The following APLF variants were observed in gnomAD, a reference collection of about 807,000 sequenced individuals.
The protein encoded by APLF is aprataxin and PNK-like factor.
In APLF, 61 loss-of-function variants were observed where a neutral mutation model predicts 55.6. The ratio of observed to expected loss-of-function variants is 1.10; its 90% CI spans 0.89 to 1.36. The LOEUF is 1.36. Ranked by LOEUF, APLF falls within the 40% of genes most tolerant of loss-of-function variation. The pLI, the probability that APLF is intolerant of heterozygous loss-of-function variation, is 0.00. For synonymous variants in APLF, 207 were observed against 214.8 expected, an observed-to-expected ratio of 0.96 and a Z score of 0.32; for missense variants, 611 against 602.5, an observed-to-expected ratio of 1.01 and a Z score of -0.15.
At position 68,579,299 on chromosome 2, in the gene APLF, CTT is replaced by C. The variant is rs1218854487; in HGVS notation, c.*1278_*1279del. On this transcript the variant is annotated 3_prime_UTR_variant, in exon 10 of 10. Coordinates refer to ENST00000303795, the MANE Select transcript of APLF (RefSeq NM_173545.3). The stretch of plus-strand genomic sequence containing the variant: ...TAACCTATTATTCTGATTTTTATCT[CTT>C]ATTGTTATTTGGGAACTATTTTTCC... 116 of 879,322 alleles carry C rather than the reference CTT, an allele frequency of 1.3e-4. 3 individuals carry two copies. In the South Asian group the frequency reaches 3.8e-3, roughly 29 times the overall value. 54.5% of individuals were successfully genotyped at this position (879,322 alleles called of 1,614,324 possible).
Position 68,545,315 on chromosome 2 carries a change from A to G in APLF, c.1286+3A>G, listed in dbSNP as rs376527281. On this transcript the variant is annotated splice_donor_region_variant and intron_variant, in intron 8 of 9. Transcript: ENST00000303795. ...CCCTATGGACCATCCTGTTATAGGT[A>G]TAGAAACTGAATGTTTGGCTGCACT... 4.4e-6 allele frequency: 7 copies of G among 1,608,254 alleles called. No individual in the cohort carries two copies. In the African/African-American group the frequency reaches 8.0e-5, roughly 18 times the overall value.
chr2:68,513,887 T>A (rs979228943), intron 5 of APLF, among the ~76,000 whole-genome samples: 1 of 148,198 alleles, frequency 6.7e-6, no homozygotes, highest in Admixed American at 6.6e-5. Context: ...ACCACCCTAA[T>A]TTTTTTTCAT....
chr2:68,568,326 A>C, intron 9 of APLF: 1 of 984,816 alleles, frequency 1.0e-6, no homozygotes, highest in Non-Finnish European at 1.2e-6. Flanking sequence ...TTATATGTGC[A>C]TACAAACAGC....
chr2:68,478,301 A>G (rs1484471504), intron 1 of APLF, among the ~76,000 whole-genome samples: 2 of 152,222 alleles, frequency 1.3e-5, no homozygotes, highest in Admixed American at 1.3e-4. Flanking sequence ...AAAAAAGGAA[A>G]AGGAAATTCA....
chr2:68,483,254 A>G (rs948205680), intron 1 of APLF, among the ~76,000 whole-genome samples: 3 of 152,128 alleles, frequency 2.0e-5, no homozygotes, highest in Admixed American at 6.5e-5. Flanking sequence ...TAGCTCTCCA[A>G]ACAGCTCAAG....
intron 1 of APLF, among the ~76,000 whole-genome samples, chr2:68,472,277 G>A (rs942667037): frequency 7.9e-5 from 12 of 152,180 alleles, no homozygotes; most frequent in Non-Finnish European, 1.5e-4. Context: ...AAAGGGGAAA[G>A]GGAATTCTCT....
chr2:68,553,398 AGTTAT>A (rs1373396236), intron 8 of APLF, among the ~76,000 whole-genome samples: 1 of 152,096 alleles, frequency 6.6e-6, no homozygotes, highest in Non-Finnish European at 1.5e-5. Flanking sequence ...TGTTCAGTTT[AGTTAT>A]ATTATAATCA....
intron 8 of APLF, among the ~76,000 whole-genome samples, chr2:68,556,435 A>G (rs1364819845): frequency 6.6e-6 from 1 of 152,144 alleles, no homozygotes; most frequent in East Asian, 1.9e-4. Flanking sequence ...TTATCAGAAG[A>G]CTCACTCAGT....
chr2:68,522,669 G>GA (rs993384874), intron 5 of APLF, among the ~76,000 whole-genome samples: 5 of 150,888 alleles, frequency 3.3e-5, no homozygotes, highest in Admixed American at 1.3e-4. Context: ...GTTAGGCCAG[G>GA]AAAAAAAAGA....
chr2:68,528,204 A>G (rs1670135717), intron 6 of APLF: 4 of 941,484 alleles, frequency 4.2e-6, no homozygotes, highest in Non-Finnish European at 4.9e-6. Flanking sequence ...GGGCCTCCCA[A>G]AGTGCTGGAT....
intron 1 of APLF, among the ~76,000 whole-genome samples, chr2:68,474,888 G>A (rs185527939): frequency 1.6e-4 from 25 of 152,206 alleles, no homozygotes; most frequent in Admixed American, 8.5e-4. Flanking sequence ...GGCTGGTCTC[G>A]AACTCCTGAC....
At chr2:68,571,145 T>G (rs950672583) in intron 9 of APLF, among the ~76,000 whole-genome samples, 10 of 151,938 alleles carry the variant, frequency 6.6e-5, no homozygotes, top group Non-Finnish European at 2.9e-5. Context: ...ATGGGGTTGT[T>G]TTTTTTTCTT....
chr2:68,497,837 C>T (rs1424955488), intron 2 of APLF, among the ~76,000 whole-genome samples: 3 of 151,968 alleles, frequency 2.0e-5, no homozygotes, highest in African/African-American at 7.3e-5. Context: ...GAGTGCTATC[C>T]AAAACATATG....
At position 68,579,016 on chromosome 2, in the gene APLF, G is replaced by A; in HGVS notation, c.*994G>A. The A allele has an allele frequency of 1.0e-6, 1 of 985,020 alleles. No individual in the cohort carries two copies. Among genetic ancestry groups the A allele is most frequent in the Non-Finnish European group, 1.2e-6 (1 of 829,650 alleles). 61.0% of individuals were successfully genotyped at this position (985,020 alleles called of 1,614,324 possible). On this transcript the variant is annotated 3_prime_UTR_variant, in exon 10 of 10. Coordinates refer to ENST00000303795, the MANE Select transcript of APLF (RefSeq NM_173545.3). ...CTTTGAATTGTTAAAATGTAGTTTA[G>A]AATCTTTAATAACAGTTGGGTTGTG...
chr2:68,483,426 C>T (rs1355671446), intron 1 of APLF, among the ~76,000 whole-genome samples: 1 of 152,168 alleles, frequency 6.6e-6, no homozygotes. Flanking sequence ...CTCTTTTCAT[C>T]CTGCTTTTGT....
chr2:68,577,302 A>G (rs1045761315), intron 9 of APLF, among the ~76,000 whole-genome samples: 4 of 152,158 alleles, frequency 2.6e-5, no homozygotes, highest in African/African-American at 9.7e-5. Flanking sequence ...GCCCTGTGCC[A>G]TGTGTATTCT....
At chr2:68,575,669 G>T (rs912717187) in intron 9 of APLF, among the ~76,000 whole-genome samples, 1 of 151,942 alleles carries the variant, frequency 6.6e-6, no homozygotes, top group Admixed American at 6.6e-5. Context: ...CTCGGTGAGG[G>T]ATATTAAAGG....
intron 1 of APLF, among the ~76,000 whole-genome samples, chr2:68,475,268 T>C (rs534160938): frequency 8.5e-5 from 13 of 152,322 alleles, no homozygotes; most frequent in South Asian, 4.1e-4. Flanking sequence ...GCATTCACTA[T>C]GTAAGCAGCA....
Position 68,579,122 on chromosome 2 carries a change from C to T in APLF, c.*1100C>T, listed in dbSNP as rs1671699550. On this transcript the variant is annotated 3_prime_UTR_variant, in exon 10 of 10. Coordinates refer to ENST00000303795, the MANE Select transcript of APLF (RefSeq NM_173545.3). Reference sequence around the variant, plus strand: ...TTGTTAAATGCTATTATTTTCTACTCTAAAGGAACCTAAAAATTTATATCT... The same window carrying T: ...TTGTTAAATGCTATTATTTTCTACTTTAAAGGAACCTAAAAATTTATATCT... 2.2e-6 allele frequency: 2 copies of T among 912,566 alleles called. No individual in the cohort carries two copies. Among genetic ancestry groups the T allele is most frequent in the South Asian group, 1.0e-4 (2 of 19,780 alleles). The allele number at this position is 912,566 out of a possible 1,614,324, so 56.5% of individuals were successfully genotyped here.
Sources: gnomAD v4.1 joint callset for allele counts (sites outside exome capture counted in the v4.1 genomes callset) on GRCh38, gnomAD v4.1.1 for gene constraint, MANE v1.5 for transcripts, NCBI Gene and HGNC (gene_info 2026-07-23, HGNC 2026-07-21) for gene names.